Variants in NRTN observed in about 807,000 individuals in gnomAD.
NRTN encodes prepro-neurturin.
In NRTN, 3 loss-of-function variants were observed where a neutral mutation model predicts 7.5. The observed-to-expected ratio is 0.40, with a 90% CI of 0.18 to 1.03. The LOEUF (loss-of-function observed/expected upper bound fraction) is 1.03. Ranked by LOEUF, NRTN falls within the 50% of genes least tolerant of loss-of-function variation. The pLI, the probability that NRTN is intolerant of heterozygous loss-of-function variation, is 0.34. For synonymous variants in NRTN, 157 were observed against 146.6 expected, an observed-to-expected ratio of 1.07 and a Z score of -0.51; for missense variants, 310 against 307.0, an observed-to-expected ratio of 1.01 and a Z score of -0.07.
chr19:5,825,003 G>T (rs944866558), intron 2 of NRTN, among the ~76,000 whole-genome samples: 4 of 152,086 alleles, frequency 2.6e-5, no homozygotes, highest in Non-Finnish European at 5.9e-5. Context: ...AGCAGGGGGG[G>T]CGGTGGGAGG....
At chr19:5,825,176 G>A (rs28523462) in intron 2 of NRTN, among the ~76,000 whole-genome samples, 22,808 of 151,980 alleles carry the variant, frequency 0.15, 2,394 homozygotes, top group East Asian at 0.44. Context: ...GCACAGACAC[G>A]GGCAAAAGTG....
At chr19:5,808,707 A>G (rs1414634797) in intron 1 of NRTN, among the ~76,000 whole-genome samples, 1 of 149,806 alleles carries the variant, frequency 6.7e-6, no homozygotes, top group Non-Finnish European at 1.5e-5. Flanking sequence ...GAGCCTTTAT[A>G]CGTGCAGCTC....
intron 1 of NRTN, among the ~76,000 whole-genome samples, chr19:5,817,623 AAAGAAGAAGGCAGGC>A (rs2057009858): frequency 2.2e-5 from 2 of 89,536 alleles, no homozygotes; most frequent in Non-Finnish European, 4.6e-5. Flanking sequence ...AGAGAAAGAA[AAAGAAGAAGGCAGGC>A]AGGCAGGCAG....
rs79453260 is a variant in NRTN at position 5,815,174 on chromosome 19, G to A, written c.-398-8594G>A. On this transcript the variant is annotated intron_variant, in intron 1 of 2. Transcript: ENST00000303212. Reference sequence around the variant, plus strand: ...CCCCTGTGTGTGTGTGTGGCCAGGAGGAGGGTCTTGGGGACCTTGGCCAGA... The same window carrying A: ...CCCCTGTGTGTGTGTGTGGCCAGGAAGAGGGTCTTGGGGACCTTGGCCAGA... 8.8e-4 allele frequency among the ~76,000 whole-genome samples: 134 copies of A among 152,286 alleles called. 4 individuals are homozygous for A. Among genetic ancestry groups the A allele is most frequent in the East Asian group, 8.3e-3 (43 of 5,184 alleles).
intron 1 of NRTN, among the ~76,000 whole-genome samples, chr19:5,808,408 G>A (rs2056980161): frequency 6.6e-6 from 1 of 152,218 alleles, no homozygotes; most frequent in Non-Finnish European, 1.5e-5. Flanking sequence ...AGCCCCAAGA[G>A]ACTGGTGTGG....
At position 5,805,244 on chromosome 19, in the gene NRTN, G is replaced by T. The variant is rs1179896119; in HGVS notation, c.-606G>T. Among the ~76,000 whole-genome samples, 1 of 145,208 alleles carries T rather than the reference G, an allele frequency of 6.9e-6. No individual in the cohort carries two copies. The highest frequency in any genetic ancestry group is 2.1e-4 in the South Asian group (1 of 4,784). On this transcript the variant is annotated 5_prime_UTR_variant, in exon 1 of 3. Coordinates refer to ENST00000303212, the MANE Select transcript of NRTN (RefSeq NM_004558.5). ...CCCACCCCCAGCCCCAGCCCCCGCC[G>T]GCCCGGGATGGCCGCAGCCCGCGGC...
rs931972335 is a variant in NRTN, at chr19:5,806,787, C to T, written c.-399+1336C>T. Among the ~76,000 whole-genome samples, 1 of 152,218 alleles carries T rather than the reference C, an allele frequency of 6.6e-6. No individual in the cohort carries two copies. The highest frequency in any genetic ancestry group is 6.5e-5 in the Admixed American group (1 of 15,276). ...TCTGAAACTCCACCATCAGCACTGG[C>T]CCCTCGGCGTTTCAGGTCCCAGTTT... On this transcript the variant is annotated intron_variant, in intron 1 of 2. Coordinates refer to ENST00000303212, the MANE Select transcript of NRTN (RefSeq NM_004558.5). The surrounding 1 kb of genome is among the most constrained non-coding windows in gnomAD (Gnocchi z 5.4).
intron 2 of NRTN, among the ~76,000 whole-genome samples, chr19:5,825,006 G>A (rs1295959114): frequency 2.0e-5 from 3 of 152,120 alleles, no homozygotes; most frequent in Admixed American, 1.3e-4. Context: ...AGGGGGGGCG[G>A]TGGGAGGAGA....
At chr19:5,810,109 C>T (rs1318932702) in intron 1 of NRTN, among the ~76,000 whole-genome samples, 1 of 150,124 alleles carries the variant, frequency 6.7e-6, no homozygotes, top group African/African-American at 2.4e-5. Context: ...ACTAAAAATA[C>T]AAAAAAAATT....
At chr19:5,818,164 A>G (rs533032258) in intron 1 of NRTN, among the ~76,000 whole-genome samples, 43 of 152,082 alleles carry the variant, frequency 2.8e-4, no homozygotes, top group African/African-American at 1.0e-3. Context: ...GGGTTTCACC[A>G]TGTTGGCCAG....
rs543602754 is a variant in NRTN at position 5,823,813 on chromosome 19, T to G, written c.-353T>G. On this transcript the variant is annotated 5_prime_UTR_variant, in exon 2 of 3. Transcript: ENST00000303212. ...TTGCTGTTCCTGGGATACGCCACAC[T>G]CAGTCTGGCCTCGGGGCCTTTGCAC... The G allele has an allele frequency of 2.6e-4, 109 of 417,370 alleles. No individual in the cohort carries two copies. The highest frequency in any genetic ancestry group is 4.4e-4 in the Non-Finnish European group (99 of 224,086). The allele number at this position is 417,370 out of a possible 1,614,324, so 25.9% of individuals were successfully genotyped here.
chr19:5,813,565 T>G (rs1387437794), intron 1 of NRTN, among the ~76,000 whole-genome samples: 1 of 151,852 alleles, frequency 6.6e-6, no homozygotes, highest in Non-Finnish European at 1.5e-5. Flanking sequence ...TCCTACCTAC[T>G]CGGGAGGCTG....
intron 1 of NRTN, among the ~76,000 whole-genome samples, chr19:5,807,564 G>T (rs535701184): frequency 6.6e-6 from 1 of 151,630 alleles, no homozygotes; most frequent in South Asian, 2.1e-4. Context: ...CCTGCAGGAA[G>T]GGTGTCTCGG....
intron 2 of NRTN, among the ~76,000 whole-genome samples, chr19:5,825,229 C>T (rs1192683090): frequency 6.6e-6 from 1 of 152,150 alleles, no homozygotes; most frequent in Admixed American, 6.5e-5. Flanking sequence ...GGGCAAGACC[C>T]TCGCCCAACT....
At chr19:5,809,271 A>G (rs1272071409) in intron 1 of NRTN, among the ~76,000 whole-genome samples, 1 of 151,416 alleles carries the variant, frequency 6.6e-6, no homozygotes, top group Non-Finnish European at 1.5e-5. Flanking sequence ...CCTGGACTCA[A>G]GCGATCCTCT....
At chr19:5,818,350 TGTGTGA>T (rs1404777499) in intron 1 of NRTN, among the ~76,000 whole-genome samples, 1 of 151,596 alleles carries the variant, frequency 6.6e-6, no homozygotes, top group East Asian at 1.9e-4. Flanking sequence ...AGTGTGTGAG[TGTGTGA>T]GTGTGTGTAT....
intron 1 of NRTN, among the ~76,000 whole-genome samples, chr19:5,818,348 A>T (rs997492537): frequency 2.0e-5 from 3 of 151,732 alleles, no homozygotes; most frequent in East Asian, 1.9e-4. Context: ...GCAGTGTGTG[A>T]GTGTGTGAGT....
chr19:5,823,488 G>A (rs188756022), intron 1 of NRTN, among the ~76,000 whole-genome samples: 8 of 152,280 alleles, frequency 5.3e-5, no homozygotes, highest in Admixed American at 3.9e-4. Flanking sequence ...TGTTCTCCAT[G>A]CAAGGACCTA....
At chr19:5,820,546 C>CA (rs1205459062) in intron 1 of NRTN, among the ~76,000 whole-genome samples, 1 of 132,580 alleles carries the variant, frequency 7.5e-6, no homozygotes, top group East Asian at 2.1e-4. Flanking sequence ...GCCTGGGCGA[C>CA]AGAGTGAGAC....
Sources: allele counts gnomAD v4.1 joint callset (sites outside exome capture counted in the v4.1 genomes callset), GRCh38; gene constraint gnomAD v4.1.1; non-coding constraint Gnocchi (gnomAD v3.1); transcripts MANE v1.5; gene names NCBI Gene and HGNC (gene_info 2026-07-23, HGNC 2026-07-21).